Variants in ZNF221 observed in about 807,000 individuals in gnomAD.
ZNF221 encodes zinc finger protein 221.
ZNF221 carries 10 observed loss-of-function variants against 12.6 expected under a neutral mutation model. That is an observed-to-expected ratio of 0.79 (90% CI 0.49 to 1.34). ZNF221 has a LOEUF of 1.34. ZNF221 is among the 40% of genes most tolerant of loss of function. ZNF221 has a pLI of 0.00. For missense variants in ZNF221, 661 were observed against 721.4 expected (o/e 0.92, Z 0.96); for synonymous variants, 232 against 244.0 (o/e 0.95, Z 0.46).
chr19:43,973,260 G>C, the ZNF221 span, among the ~76,000 whole-genome samples: 1 of 152,022 alleles, frequency 6.6e-6, no homozygotes, highest in South Asian at 2.1e-4. Context: ...AAAATAATAA[G>C]AGCCATAGAT....
chr19:43,972,577 G>T (rs375024062), downstream of ZNF221, among the ~76,000 whole-genome samples: 1 of 151,802 alleles, frequency 6.6e-6, no homozygotes, highest in Non-Finnish European at 1.5e-5. Context: ...TATCACCACT[G>T]ACCCCACAGA....
At chr19:43,977,874 T>A in the ZNF221 span, among the ~76,000 whole-genome samples, 11 of 152,236 alleles carry the variant, frequency 7.2e-5, no homozygotes, top group Non-Finnish European at 1.6e-4. Context: ...CTCTGGGTTC[T>A]GTGATTTACT....
At position 43,965,907 on chromosome 19, in the gene ZNF221, G is replaced by C. The variant is rs1974938663; in HGVS notation, c.405G>C (p.Arg135Ser). ...AACAAATTGCAAGTGACCTAACCAG[G>C]TCTCAAAACTCCATAAGGAACAGCT... ...IWEQIASDLT[R>S]SQNSIRNSSQ... Residue 135 changes from arginine (R) to serine (S), a missense_variant, in exon 5 of 5, where the codon AGG becomes AGC. Transcript: ENST00000587682. The C allele has an allele frequency of 9.9e-6, 16 of 1,614,178 alleles. No homozygotes were observed. Among genetic ancestry groups the C allele is most frequent in the Non-Finnish European group, 1.3e-5 (15 of 1,180,028 alleles).
intron 4 of ZNF221, 75 bp from the exon 5 acceptor site, chr19:43,965,729 G>A (rs1974932938): frequency 7.6e-7 from 1 of 1,313,168 alleles, no homozygotes; most frequent in East Asian, 2.3e-5. Context: ...TTAATGCCAT[G>A]TCCTAAGTGT....
At chr19:43,956,986 A>C (rs1454327299) in intron 1 of ZNF221, among the ~76,000 whole-genome samples, 1 of 152,202 alleles carries the variant, frequency 6.6e-6, no homozygotes, top group Non-Finnish European at 1.5e-5. Flanking sequence ...ACATTCAAAA[A>C]GTGGAAGTGA....
the ZNF221 span, among the ~76,000 whole-genome samples, chr19:43,973,458 C>T: frequency 6.6e-6 from 1 of 152,148 alleles, no homozygotes. Flanking sequence ...GAGGAAGTCA[C>T]AGTATCTTTG....
intron 1 of ZNF221, among the ~76,000 whole-genome samples, chr19:43,956,536 CA>C: frequency 6.8e-6 from 1 of 146,484 alleles, no homozygotes; most frequent in African/African-American, 2.5e-5. Flanking sequence ...CACTGAGAGT[CA>C]GCAGGAGGGG....
In ZNF221 at chr19:43,965,688, T is replaced by C. The variant is rs930700156; in HGVS notation, c.302-116T>C. 43 of 974,584 alleles carry C rather than the reference T, an allele frequency of 4.4e-5. No individual in the cohort carries two copies. In the African/African-American group the frequency reaches 6.5e-4, roughly 15 times the overall value. 60.4% of individuals were successfully genotyped at this position (974,584 alleles called of 1,614,324 possible). On this transcript the variant is annotated intron_variant, in intron 4 of 4. Coordinates refer to ENST00000587682, the MANE Select transcript of ZNF221 (RefSeq NM_001297588.2). ...AAGACCATAGTGCACTCGGAAAACA[T>C]GAACTTAATGTTTCCTGTTTTCATT... is the stretch of plus-strand genomic sequence containing the variant.
chr19:43,962,503 C>T lies in ZNF221; in HGVS notation c.-2-222C>T, dbSNP rs377642611. 3.9e-5 allele frequency among the ~76,000 whole-genome samples: 6 copies of T among 152,290 alleles called. No individual in the cohort carries two copies. In the South Asian group the frequency reaches 1.2e-3, roughly 32 times the overall value. On this transcript the variant is annotated intron_variant, in intron 1 of 4. Coordinates refer to ENST00000587682, the MANE Select transcript of ZNF221 (RefSeq NM_001297588.2). ...CATGTTGTAGCATGAGCCAGTTCTTCACTCCTTTGAATTTCCAAATAAAAT... is the reference window on the plus strand; with the variant it reads ...CATGTTGTAGCATGAGCCAGTTCTTTACTCCTTTGAATTTCCAAATAAAAT...
chr19:43,973,574 G>T, the ZNF221 span, among the ~76,000 whole-genome samples: 1 of 152,154 alleles, frequency 6.6e-6, no homozygotes, highest in Non-Finnish European at 1.5e-5. Context: ...CAAAATCAAT[G>T]TGCAAAACCG....
chr19:43,967,390 C>A lies in ZNF221; in HGVS notation c.*34C>A. 6.6e-7 allele frequency: 1 copy of A among 1,504,832 alleles called. No homozygotes were observed. Among genetic ancestry groups the A allele is most frequent in the Non-Finnish European group, 9.1e-7 (1 of 1,097,322 alleles). 93.2% of individuals were successfully genotyped at this position (1,504,832 alleles called of 1,614,324 possible). A position where few individuals can be genotyped will look rare whatever the true frequency, so the allele number is the denominator to read the frequency against. ...AGTGTGGGAAGGGCTTTGGCTGGGC[C>A]TCAACTCATCTGACCCATCAATTCT... is the stretch of plus-strand genomic sequence containing the variant. On this transcript the variant is annotated 3_prime_UTR_variant, in exon 5 of 5. Coordinates refer to ENST00000587682, the MANE Select transcript of ZNF221 (RefSeq NM_001297588.2).
At chr19:43,978,005 CAG>C in the ZNF221 span, among the ~76,000 whole-genome samples, 3 of 152,144 alleles carry the variant, frequency 2.0e-5, no homozygotes, top group African/African-American at 2.4e-5. Context: ...GCAAGCTTAC[CAG>C]AGTCCTCTCT....
At chr19:43,956,210 C>T (rs1438204385) in intron 1 of ZNF221, among the ~76,000 whole-genome samples, 1 of 152,186 alleles carries the variant, frequency 6.6e-6, no homozygotes, top group Non-Finnish European at 1.5e-5. Flanking sequence ...AGATTCTATT[C>T]TACACTGTGC....
rs76856432 is a variant in ZNF221 at position 43,966,119 on chromosome 19, G to C, written c.617G>C (p.Ser206Thr). Residue 206 changes from serine (S) to threonine (T), a missense_variant, in exon 5 of 5, where the codon AGC (serine) becomes ACC (threonine). Ser to Thr is a moderately conservative substitution (Grantham distance 58, BLOSUM62 1). Transcript: ENST00000587682. Reference protein sequence around the residue: ...KSHTCGECGKSFCYSPALHIH... With the variant: ...KSHTCGECGKTFCYSPALHIH... Reference sequence around the variant, plus strand: ...CATACATGTGGTGAGTGTGGAAAAAGCTTCTGTTACAGCCCAGCCCTTCAT... The same window carrying C: ...CATACATGTGGTGAGTGTGGAAAAACCTTCTGTTACAGCCCAGCCCTTCAT... The C allele has an allele frequency of 8.1e-6, 13 of 1,614,198 alleles. No homozygotes were observed. The African/African-American group carries it at 1.7e-4, about 22-fold the overall frequency.
Position 43,966,151 on chromosome 19 carries a change from C to CA in ZNF221, c.650dup (p.Arg218GlufsTer10), listed in dbSNP as rs1974947717. On this transcript the variant is annotated frameshift_variant, in exon 5 of 5. Transcript: ENST00000587682. LOFTEE classifies it low-confidence loss of function (END_TRUNC). Reference sequence around the variant, plus strand: ...TTACAGCCCAGCCCTTCATATTCATCAGAGAGTCCATATGGGAGAAAAATG... The same window carrying CA: ...TTACAGCCCAGCCCTTCATATTCATCAAGAGAGTCCATATGGGAGAAAAATG... 6.2e-7 allele frequency: 1 copy of CA among 1,614,084 alleles called. No individual in the cohort carries two copies. Among genetic ancestry groups the CA allele is most frequent in the Non-Finnish European group, 8.5e-7 (1 of 1,180,050 alleles).
chr19:43,966,879 T>G lies in ZNF221; in HGVS notation c.1377T>G (p.Tyr459Ter). ...PYNCEECGKD[Y>*]KRRLDLEFHQ... Reference sequence around the variant, plus strand: ...ACTGTGAGGAGTGTGGTAAGGACTATAAAAGGAGGTTGGATCTTGAGTTTC... The same window carrying G: ...ACTGTGAGGAGTGTGGTAAGGACTAGAAAAGGAGGTTGGATCTTGAGTTTC... Residue 459 changes from tyrosine (Y) to a stop codon, truncating the protein, a stop_gained, in exon 5 of 5, where the codon TAT (tyrosine) becomes TAG (stop). Transcript: ENST00000587682. LOFTEE classifies it low-confidence loss of function (END_TRUNC). 1.2e-6 allele frequency: 2 copies of G among 1,614,106 alleles called. No homozygotes were observed. The highest frequency in any genetic ancestry group is 1.7e-6 in the Non-Finnish European group (2 of 1,180,034).
chr19:43,978,593 ATTG>A, the ZNF221 span: 1 of 152,012 alleles, frequency 6.6e-6, no homozygotes, highest in Non-Finnish European at 1.5e-5. Flanking sequence ...ATTTGTTTTT[ATTG>A]TTCATATTTA....
In ZNF221 at chr19:43,965,055, T is replaced by A. The variant is rs375753334; in HGVS notation, c.187T>A (p.Phe63Ile). ...KLYRDVMLEN[F>I]RNLLSVGNQP... ...GTACCGAGATGTGATGCTAGAGAAC[T>A]TCAGGAACCTGCTCTCAGTAGGTGA... Residue 63 changes from phenylalanine (F) to isoleucine (I), a missense_variant, in exon 3 of 5, where the codon TTC becomes ATC. Transcript: ENST00000587682. 2 of 1,613,990 alleles carry A rather than the reference T, an allele frequency of 1.2e-6. No homozygotes were observed. The highest frequency in any genetic ancestry group is 1.7e-6 in the Non-Finnish European group (2 of 1,180,018).
downstream of ZNF221, among the ~76,000 whole-genome samples, chr19:43,969,293 A>C (rs1975045072): frequency 6.9e-6 from 1 of 145,976 alleles, no homozygotes. Flanking sequence ...CCCCTGCCCA[A>C]CACAGAACAC....
Sources: gnomAD v4.1 joint callset for allele counts (sites outside exome capture counted in the v4.1 genomes callset) on GRCh38, gnomAD v4.1.1 for gene constraint, MANE v1.5 for transcripts, NCBI Gene and HGNC (gene_info 2026-07-23, HGNC 2026-07-21) for gene names.